Variants in PCCA observed in about 807,000 individuals in gnomAD.
The protein encoded by PCCA is propionyl-CoA carboxylase subunit alpha.
In PCCA, 74 loss-of-function variants were observed where a neutral mutation model predicts 101.3. The observed-to-expected ratio is 0.73, with a 90% CI of 0.61 to 0.89. PCCA has a LOEUF of 0.89. Ranked by LOEUF, PCCA falls within the 40% of genes least tolerant of loss-of-function variation. The pLI, the probability that PCCA is intolerant of heterozygous loss-of-function variation, is 0.00. For missense variants in PCCA, 891 were observed against 907.0 expected, an observed-to-expected ratio of 0.98 and a Z score of 0.23; for synonymous variants, 294 against 313.6, an observed-to-expected ratio of 0.94 and a Z score of 0.66.
intron 4 of PCCA, among the ~76,000 whole-genome samples, chr13:100,126,422 G>C (rs2049961123): frequency 6.6e-6 from 1 of 151,948 alleles, no homozygotes. Context: ...TACTTTTCAA[G>C]ATGAAAAAAT....
intron 21 of PCCA, among the ~76,000 whole-genome samples, chr13:100,453,854 TGA>T (rs1165004682): frequency 6.6e-6 from 1 of 152,126 alleles, no homozygotes; most frequent in African/African-American, 2.4e-5. Flanking sequence ...AATGTCTTTT[TGA>T]TTTGTTTTGT....
intron 6 of PCCA, among the ~76,000 whole-genome samples, chr13:100,196,211 T>C (rs2058091679): frequency 6.6e-6 from 1 of 152,180 alleles, no homozygotes; most frequent in Non-Finnish European, 1.5e-5. Context: ...CAAAAAACTC[T>C]TGTTTGTTCT....
chr13:100,494,722 T>C (rs1033760027), intron 21 of PCCA, among the ~76,000 whole-genome samples: 2 of 151,932 alleles, frequency 1.3e-5, no homozygotes, highest in East Asian at 3.9e-4. Flanking sequence ...CATTATAACA[T>C]GACAAGTGCT....
chr13:100,463,113 G>A (rs1248554473), intron 21 of PCCA, among the ~76,000 whole-genome samples: 2 of 152,148 alleles, frequency 1.3e-5, no homozygotes, highest in Non-Finnish European at 2.9e-5. Context: ...AGGCGCAGAG[G>A]TATTAAGATG....
chr13:100,387,845 A>G (rs1294401489), intron 19 of PCCA, among the ~76,000 whole-genome samples: 4 of 152,224 alleles, frequency 2.6e-5, no homozygotes, highest in African/African-American at 9.6e-5. Context: ...TGAATGACTC[A>G]GTCATGGTGT....
intron 2 of PCCA, among the ~76,000 whole-genome samples, chr13:100,109,854 G>A (rs1416420954): frequency 2.0e-5 from 3 of 152,118 alleles, no homozygotes; most frequent in South Asian, 4.1e-4. Context: ...GCTCTAGGCC[G>A]GGTGTGGTGG....
chr13:100,150,134 TCTC>T (rs1284525209), intron 4 of PCCA, among the ~76,000 whole-genome samples: 1 of 144,230 alleles, frequency 6.9e-6, no homozygotes, highest in African/African-American at 2.5e-5. Context: ...GTTCAGCAAT[TCTC>T]CTGCCTCAGC....
At chr13:100,362,655 G>A (rs2074747787) in intron 18 of PCCA, among the ~76,000 whole-genome samples, 1 of 152,142 alleles carries the variant, frequency 6.6e-6, no homozygotes. Context: ...CTTATCGGTG[G>A]AAGAAGGAAA....
intron 16 of PCCA, among the ~76,000 whole-genome samples, chr13:100,318,454 T>C (rs1161413140): frequency 1.3e-5 from 2 of 151,602 alleles, no homozygotes; most frequent in Non-Finnish European, 2.9e-5. Flanking sequence ...TTACATTAGG[T>C]ATATCTCCTA....
intron 11 of PCCA, 45 bp downstream of exon 11, chr13:100,268,828 TTTCATTCA>T (rs113891803): frequency 5.0e-6 from 6 of 1,203,780 alleles, no homozygotes; most frequent in African/African-American, 1.5e-5. Context: ...CTTTTATGCA[TTTCATTCA>T]TTCATTCATT....
intron 21 of PCCA, among the ~76,000 whole-genome samples, chr13:100,501,899 A>ATAAG (rs1375404782): frequency 3.9e-5 from 6 of 151,958 alleles, no homozygotes; most frequent in African/African-American, 1.5e-4. Flanking sequence ...AAATAAATAA[A>ATAAG]TAAAATGCAC....
intron 17 of PCCA, 49 bp downstream of exon 17, chr13:100,330,720 A>G: frequency 9.2e-7 from 1 of 1,085,898 alleles, no homozygotes; most frequent in Non-Finnish European, 1.4e-6. Context: ...TTATTTTTAT[A>G]CTTTATTGTA....
intron 22 of PCCA, chr13:100,527,456 AT>A (rs542039609): frequency 0.085 from 33,001 of 390,098 alleles, 3 homozygotes; most frequent in South Asian, 0.1. Flanking sequence ...AGGGTCAGGG[AT>A]TTTTTTTTTT....
chr13:100,303,030 G>T (rs769252784), intron 14 of PCCA, 32 bp downstream of exon 14: 3 of 1,186,272 alleles, frequency 2.5e-6, no homozygotes, highest in Admixed American at 3.4e-5. Context: ...CCAGCTGAAG[G>T]GTTAAAATCG....
chr13:100,399,290 C>T (rs779759020), intron 19 of PCCA, among the ~76,000 whole-genome samples: 5 of 151,896 alleles, frequency 3.3e-5, no homozygotes, highest in Non-Finnish European at 7.4e-5. Flanking sequence ...TTTTGTTTGG[C>T]GTGAATTTGT....
chr13:100,498,466 T>C (rs905056303), intron 21 of PCCA, among the ~76,000 whole-genome samples: 4 of 152,182 alleles, frequency 2.6e-5, no homozygotes, highest in African/African-American at 4.8e-5. Flanking sequence ...CAAATTCATA[T>C]GGCCAAATAG....
At chr13:100,301,375 C>T (rs2066041923) in intron 12 of PCCA, 85 bp from the exon 13 acceptor site, 1 of 1,467,516 alleles carries the variant, frequency 6.8e-7, no homozygotes, top group Non-Finnish European at 9.5e-7. Context: ...TTCATTTTAC[C>T]CAAAAACTTT....
intron 18 of PCCA, among the ~76,000 whole-genome samples, chr13:100,366,060 A>T (rs1334345777): frequency 6.6e-6 from 1 of 152,206 alleles, no homozygotes; most frequent in East Asian, 1.9e-4. Flanking sequence ...GTTAATAAAG[A>T]TGTAACTTGG....
intron 4 of PCCA, among the ~76,000 whole-genome samples, chr13:100,148,363 T>C (rs1187481572): frequency 6.6e-6 from 1 of 152,212 alleles, no homozygotes; most frequent in African/African-American, 2.4e-5. Context: ...TGGCTGTCAC[T>C]CTGCCTCTCC....
Sources: gnomAD v4.1 joint callset for allele counts (sites outside exome capture counted in the v4.1 genomes callset) on GRCh38, gnomAD v4.1.1 for gene constraint, MANE v1.5 for transcripts, NCBI Gene and HGNC (gene_info 2026-07-23, HGNC 2026-07-21) for gene names.